NEO1: variants seen among roughly 807,000 people sequenced by gnomAD.
NEO1 encodes the protein neogenin.
In NEO1, 63 loss-of-function variants were observed where a neutral mutation model predicts 159.7. The ratio of observed to expected loss-of-function variants is 0.39; its 90% CI spans 0.32 to 0.49. The LOEUF (loss-of-function observed/expected upper bound fraction) is 0.49, where lower values mean the gene tolerates loss of function less well. Ranked by LOEUF, NEO1 falls within the 20% of genes least tolerant of loss-of-function variation. The pLI, the probability that NEO1 is intolerant of heterozygous loss-of-function variation, is 0.85. For missense variants in NEO1, 1,615 were observed against 1,831.0 expected (o/e 0.88, Z 2.15); for synonymous variants, 633 against 662.0 (o/e 0.96, Z 0.67).
rs12324124 is a variant in NEO1, at chr15:73,200,878, C to T, written c.1291+22451C>T. ...TTTGTATTTTTGGTAGAGACAGTTT[C>T]GCCATGTTGCCCAGGCTGGTCTCAA... On this transcript the variant is annotated intron_variant, in intron 7 of 28. Transcript: ENST00000261908. Among the ~76,000 whole-genome samples the T allele has an allele frequency of 8.7e-3, 1,317 of 151,634 alleles. 24 individuals are homozygous for T. Among genetic ancestry groups the T allele is most frequent in the African/African-American group, 0.03 (1,239 of 41,368 alleles).
intron 1 of NEO1, among the ~76,000 whole-genome samples, chr15:73,115,923 A>G (rs1596031552): frequency 6.6e-6 from 1 of 152,318 alleles, no homozygotes; most frequent in Non-Finnish European, 1.5e-5. Context: ...GAAATTTTTT[A>G]TGATCTTGGG....
At chr15:73,158,044 C>T (rs2033904233) in intron 5 of NEO1, among the ~76,000 whole-genome samples, 1 of 151,912 alleles carries the variant, frequency 6.6e-6, no homozygotes, top group African/African-American at 2.4e-5. Context: ...AGTGAAACCC[C>T]ATCTCTACTA....
At chr15:73,132,081 G>A (rs892754110) in intron 4 of NEO1, among the ~76,000 whole-genome samples, 1 of 152,138 alleles carries the variant, frequency 6.6e-6, no homozygotes, top group African/African-American at 2.4e-5. Context: ...TTCTATGTCT[G>A]TGTTTCCCAC....
At chr15:73,118,605 A>T (rs988636487) in intron 2 of NEO1, among the ~76,000 whole-genome samples, 2 of 151,936 alleles carry the variant, frequency 1.3e-5, no homozygotes, top group Admixed American at 6.6e-5. Context: ...TCCTCTGCTA[A>T]GTTTGTCCAT....
chr15:73,249,894 A>AT (rs1418147073), intron 11 of NEO1, among the ~76,000 whole-genome samples, 173 bp downstream of exon 11: 4 of 152,222 alleles, frequency 2.6e-5, no homozygotes, highest in Non-Finnish European at 5.9e-5. Context: ...TAAAATGTAG[A>AT]TAATACCAAC....
chr15:73,075,379 A>G (rs555664396), intron 1 of NEO1, among the ~76,000 whole-genome samples: 1 of 152,152 alleles, frequency 6.6e-6, no homozygotes, highest in Non-Finnish European at 1.5e-5. Context: ...GAACTTGTCT[A>G]ATGTAACCTG....
intron 26 of NEO1, among the ~76,000 whole-genome samples, chr15:73,295,847 C>T (rs1371771494): frequency 6.6e-6 from 1 of 152,196 alleles, no homozygotes; most frequent in Non-Finnish European, 1.5e-5. Flanking sequence ...ATTGGAAAAG[C>T]ACTTTCCTCT....
intron 5 of NEO1, among the ~76,000 whole-genome samples, chr15:73,147,817 CTT>C (rs34612116): frequency 0.023 from 3,165 of 139,732 alleles, 53 homozygotes; most frequent in Admixed American, 0.043. Context: ...GGTGGAATGT[CTT>C]TTTTTTTTTT....
At chr15:73,181,715 C>T (rs1358925327) in intron 7 of NEO1, among the ~76,000 whole-genome samples, 1 of 152,150 alleles carries the variant, frequency 6.6e-6, no homozygotes, top group East Asian at 1.9e-4. Context: ...GATCTTCCCC[C>T]ATGACCCAAA....
At chr15:73,171,631 T>TATTATC (rs1309337311) in intron 5 of NEO1, among the ~76,000 whole-genome samples, 1 of 146,800 alleles carries the variant, frequency 6.8e-6, no homozygotes, top group African/African-American at 2.5e-5. Flanking sequence ...TTATTATTAT[T>TATTATC]ATTATTATTA....
intron 18 of NEO1, among the ~76,000 whole-genome samples, chr15:73,270,877 C>G (rs139975330): frequency 1.1e-3 from 167 of 152,258 alleles, no homozygotes; most frequent in Non-Finnish European, 1.5e-3. Context: ...TGAAATAATC[C>G]TTAAGGTCTT....
chr15:73,210,939 G>T (rs1267836521), intron 7 of NEO1, among the ~76,000 whole-genome samples: 1 of 152,172 alleles, frequency 6.6e-6, no homozygotes, highest in African/African-American at 2.4e-5. Context: ...AGTCATTGAA[G>T]AAGCATTTAT....
intron 23 of NEO1, among the ~76,000 whole-genome samples, chr15:73,285,229 C>T (rs2041896437): frequency 6.6e-6 from 1 of 152,090 alleles, no homozygotes; most frequent in African/African-American, 2.4e-5. Flanking sequence ...AAGTGATTCT[C>T]CTGCCTCAGC....
At chr15:73,169,521 A>G (rs996829035) in intron 5 of NEO1, among the ~76,000 whole-genome samples, 2 of 151,804 alleles carry the variant, frequency 1.3e-5, no homozygotes, top group Admixed American at 6.6e-5. Flanking sequence ...TAAGGGCATT[A>G]TTTTATAATT....
intron 5 of NEO1, among the ~76,000 whole-genome samples, chr15:73,152,903 T>C (rs1000686339): frequency 2.0e-5 from 3 of 152,138 alleles, no homozygotes; most frequent in Non-Finnish European, 2.9e-5. Context: ...TTTTTGAAAC[T>C]GTGGGTGTAT....
rs532259399 is a variant in NEO1, at chr15:73,119,617, C to T, written c.448+2760C>T. Among the ~76,000 whole-genome samples the T allele has an allele frequency of 8.9e-4, 135 of 152,316 alleles. 1 individual carries two copies. Among genetic ancestry groups the T allele is most frequent in the African/African-American group, 3.2e-3 (131 of 41,578 alleles). On this transcript the variant is annotated intron_variant, in intron 2 of 28. Transcript: ENST00000261908. ...AACTCCCACTCTCCTTTTTCTCCTGCAGTTCTCCAGAGGCAGCAGGACAAC... is the reference window on the plus strand; with the variant it reads ...AACTCCCACTCTCCTTTTTCTCCTGTAGTTCTCCAGAGGCAGCAGGACAAC...
chr15:73,268,678 G>A (rs917300256), intron 16 of NEO1, among the ~76,000 whole-genome samples: 1 of 152,216 alleles, frequency 6.6e-6, no homozygotes, highest in Non-Finnish European at 1.5e-5. Context: ...GAAACCCATT[G>A]TAAACTGTGA....
intron 2 of NEO1, among the ~76,000 whole-genome samples, chr15:73,121,985 A>G (rs1474677847): frequency 6.6e-6 from 1 of 150,734 alleles, no homozygotes; most frequent in Non-Finnish European, 1.5e-5. Flanking sequence ...CATATGTACC[A>G]TTGCTACTGA....
In NEO1 at chr15:73,138,009, A is replaced by C. The variant is rs566613994; in HGVS notation, c.1015+1982A>C. On this transcript the variant is annotated intron_variant, in intron 5 of 28. Coordinates refer to ENST00000261908, the MANE Select transcript of NEO1 (RefSeq NM_002499.4). ...AATATTTGAAGAAATAATTAAGATA[A>C]ATTTTTCAGAATTAGACTTGTAGAA... Among the ~76,000 whole-genome samples the C allele has an allele frequency of 1.1e-4, 17 of 152,276 alleles. No individual in the cohort carries two copies. In the East Asian group the frequency reaches 2.9e-3, roughly 26 times the overall value.
Sources: gnomAD v4.1 joint callset for allele counts (sites outside exome capture counted in the v4.1 genomes callset) on GRCh38, gnomAD v4.1.1 for gene constraint, MANE v1.5 for transcripts, NCBI Gene and HGNC (gene_info 2026-07-23, HGNC 2026-07-21) for gene names.